The following MORN4 variants were observed in gnomAD, a reference collection of about 807,000 sequenced individuals.
MORN4 encodes MORN repeat-containing protein 4.
MORN4 carries 8 observed loss-of-function variants against 16.4 expected under a neutral mutation model. The observed-to-expected ratio is 0.49, with a 90% CI of 0.29 to 0.88. The LOEUF (loss-of-function observed/expected upper bound fraction) is 0.88, where lower values mean the gene tolerates loss of function less well. MORN4 is among the 40% of genes least tolerant of loss of function. MORN4 has a pLI of 0.09. For missense variants in MORN4, 159 were observed against 182.9 expected, an observed-to-expected ratio of 0.87 and a Z score of 0.75; for synonymous variants, 53 against 68.9, an observed-to-expected ratio of 0.77 and a Z score of 1.14.
chr10:97,624,668 T>C (rs757427123), intron 1 of MORN4, among the ~76,000 whole-genome samples: 1 of 152,212 alleles, frequency 6.6e-6, no homozygotes, highest in Non-Finnish European at 1.5e-5. Flanking sequence ...TTCTTCCTCA[T>C]CAGCTTCCCA....
chr10:97,616,551 T>G, intron 4 of MORN4, 127 bp downstream of exon 4: 5 of 1,240,160 alleles, frequency 4.0e-6, no homozygotes, highest in Non-Finnish European at 5.7e-6. Flanking sequence ...ATTGATGAGT[T>G]CAATGGATAG....
At position 97,633,453 on chromosome 10, in the gene MORN4, C is replaced by A. The variant is rs2041415093; in HGVS notation, c.-137G>T. 3.1e-6 allele frequency: 4 copies of A among 1,289,910 alleles called. No homozygotes were observed. The highest frequency in any genetic ancestry group is 3.0e-6 in the Non-Finnish European group (3 of 988,894). 79.9% of individuals were successfully genotyped at this position (1,289,910 alleles called of 1,614,324 possible). ...GCTGCCACCTTGCTCTCCGCCACCT[C>A]CACCAGCGATTGCCCCACTTGACGC... On this transcript the variant is annotated 5_prime_UTR_variant, in exon 1 of 5. Transcript: ENST00000307450. The surrounding 1 kb of genome is among the most constrained non-coding windows in gnomAD (Gnocchi z 4.5).
At chr10:97,632,179 G>A (rs529144075) in intron 1 of MORN4, among the ~76,000 whole-genome samples, 205 of 150,128 alleles carry the variant, frequency 1.4e-3, no homozygotes, top group Non-Finnish European at 2.4e-3. Flanking sequence ...AGCCTTGTTA[G>A]GAACCTAGAA....
At chr10:97,617,351 T>C in intron 2 of MORN4, 29 bp from the exon 3 acceptor site, 1 of 1,590,642 alleles carries the variant, frequency 6.3e-7, no homozygotes, top group Non-Finnish European at 8.6e-7. Flanking sequence ...AGGTGTCAGG[T>C]TGGAAGGAGG....
intron 1 of MORN4, among the ~76,000 whole-genome samples, chr10:97,630,186 C>T (rs533860049): frequency 3.3e-5 from 5 of 152,240 alleles, no homozygotes; most frequent in Middle Eastern, 3.4e-3. Context: ...CTCAGCCTCC[C>T]GAAGTGCTGG....
chr10:97,622,491 G>C (rs568254607), intron 1 of MORN4, among the ~76,000 whole-genome samples: 17 of 151,928 alleles, frequency 1.1e-4, no homozygotes, highest in Non-Finnish European at 2.4e-4. Flanking sequence ...TTTGAGACCA[G>C]CCTGGGCAAT....
intron 1 of MORN4, among the ~76,000 whole-genome samples, chr10:97,631,510 A>C (rs1389188485): frequency 6.6e-6 from 1 of 152,154 alleles, no homozygotes; most frequent in East Asian, 1.9e-4. Flanking sequence ...CTGAGGCAAT[A>C]ACGAGAATTT....
At chr10:97,630,397 T>C (rs2135743760) in intron 1 of MORN4, among the ~76,000 whole-genome samples, 1 of 152,318 alleles carries the variant, frequency 6.6e-6, no homozygotes, top group African/African-American at 2.4e-5. Flanking sequence ...TGCTAAATTC[T>C]GGGGTACTTT....
chr10:97,619,364 A>G, intron 2 of MORN4: 4 of 583,252 alleles, frequency 6.9e-6, no homozygotes, highest in Non-Finnish European at 1.2e-5. Context: ...AACAGAAGCA[A>G]AAAAAAGAAA....
chr10:97,626,408 ATC>A (rs2041347654), intron 1 of MORN4, among the ~76,000 whole-genome samples: 1 of 148,512 alleles, frequency 6.7e-6, no homozygotes, highest in Admixed American at 6.8e-5. Context: ...CATAATCATA[ATC>A]ATAATCATAA....
chr10:97,630,790 C>G (rs1425582304), intron 1 of MORN4, among the ~76,000 whole-genome samples: 1 of 152,186 alleles, frequency 6.6e-6, no homozygotes, highest in African/African-American at 2.4e-5. Context: ...TCACCAGTAA[C>G]CATGGTCATT....
At chr10:97,619,472 A>G in intron 2 of MORN4, 115 bp downstream of exon 2, 1 of 795,034 alleles carries the variant, frequency 1.3e-6, no homozygotes, top group Non-Finnish European at 2.3e-6. Flanking sequence ...CACTATATGG[A>G]ATTAAATCCT....
intron 1 of MORN4, among the ~76,000 whole-genome samples, chr10:97,629,459 CT>C (rs964785216): frequency 6.6e-6 from 1 of 152,184 alleles, no homozygotes; most frequent in African/African-American, 2.4e-5. Flanking sequence ...CACTGATACA[CT>C]CACACTTGGA....
rs2041412254 is a variant in MORN4 at position 97,633,198 on chromosome 10, T to G, written c.-31+149A>C. ...CGGTGGAGACTAAAGGGTTCAGGTT[T>G]GGGTCCCCCACAGGCAACCGCCCTC... On this transcript the variant is annotated intron_variant, in intron 1 of 4. Coordinates refer to ENST00000307450, the MANE Select transcript of MORN4 (RefSeq NM_178832.4). The surrounding 1 kb of genome is among the most constrained non-coding windows in gnomAD (Gnocchi z 4.5). 1 of 960,840 alleles carries G rather than the reference T, an allele frequency of 1.0e-6. No individual in the cohort carries two copies. The highest frequency in any genetic ancestry group is 1.4e-6 in the Non-Finnish European group (1 of 721,936). The allele number at this position is 960,840 out of a possible 1,614,324, so 59.5% of individuals were successfully genotyped here.
In MORN4 at chr10:97,633,387, A is replaced by T. The variant is rs2041414317; in HGVS notation, c.-71T>A. 1.6e-6 allele frequency: 2 copies of T among 1,289,740 alleles called. No homozygotes were observed. The highest frequency in any genetic ancestry group is 3.0e-5 in the African/African-American group (2 of 65,870). The allele number at this position is 1,289,740 out of a possible 1,614,324, so 79.9% of individuals were successfully genotyped here. A position where few individuals can be genotyped will look rare whatever the true frequency, so the allele number is the denominator to read the frequency against. ...CGGGATGACCGTCACGCCTGGACGCAGGGTTCCAGCGCCTCGGACTTTTCC... is the reference window on the plus strand; with the variant it reads ...CGGGATGACCGTCACGCCTGGACGCTGGGTTCCAGCGCCTCGGACTTTTCC... On this transcript the variant is annotated 5_prime_UTR_variant, in exon 1 of 5. Coordinates refer to ENST00000307450, the MANE Select transcript of MORN4 (RefSeq NM_178832.4). The surrounding 1 kb of genome is among the most constrained non-coding windows in gnomAD (Gnocchi z 4.5).
At chr10:97,616,618 G>A in intron 4 of MORN4, 60 bp downstream of exon 4, 3 of 1,397,378 alleles carry the variant, frequency 2.1e-6, no homozygotes, top group South Asian at 1.2e-5. Context: ...AACTAAACAG[G>A]TATATTTCCA....
At chr10:97,620,508 GAA>G (rs796870489) in intron 1 of MORN4, among the ~76,000 whole-genome samples, 1 of 88,296 alleles carries the variant, frequency 1.1e-5, no homozygotes, top group Admixed American at 1.2e-4. Flanking sequence ...AAAAAAAAAA[GAA>G]AAAAAAAAGA....
rs375900608 is a variant in MORN4 at position 97,624,884 on chromosome 10, G to A, written c.-30-5201C>T. Among the ~76,000 whole-genome samples the A allele has an allele frequency of 2.0e-3, 308 of 152,274 alleles. 2 individuals carry two copies. The South Asian group carries it at 0.022, about 11-fold the overall frequency. ...ATTTTGTATTTTCAGTAGAGATGGG[G>A]TTTCACCATGTTGGTCAGGTGACCT... On this transcript the variant is annotated intron_variant, in intron 1 of 4. Coordinates refer to ENST00000307450, the MANE Select transcript of MORN4 (RefSeq NM_178832.4).
In MORN4 at chr10:97,617,445, A is replaced by C. The variant is rs748915616; in HGVS notation, c.68-123T>G. On this transcript the variant is annotated intron_variant, in intron 2 of 4. Coordinates refer to ENST00000307450, the MANE Select transcript of MORN4 (RefSeq NM_178832.4). ...CAAAGAAAACAAGAGAAGCAGTGAC[A>C]TTAGCAGGGCAGAGGATTATTAGCC... 2.4e-4 allele frequency: 185 copies of C among 778,878 alleles called. 1 individual carries two copies. Among genetic ancestry groups the C allele is most frequent in the Non-Finnish European group, 3.9e-4 (175 of 445,910 alleles). 48.2% of individuals were successfully genotyped at this position (778,878 alleles called of 1,614,324 possible). A position where few individuals can be genotyped will look rare whatever the true frequency, so the allele number is the denominator to read the frequency against.
Sources: allele counts gnomAD v4.1 joint callset (sites outside exome capture counted in the v4.1 genomes callset), GRCh38; gene constraint gnomAD v4.1.1; non-coding constraint Gnocchi (gnomAD v3.1); transcripts MANE v1.5; gene names NCBI Gene and HGNC (gene_info 2026-07-23, HGNC 2026-07-21).